MROH1: variants seen among roughly 807,000 people sequenced by gnomAD.
The protein encoded by MROH1 is maestro heat like repeat family member 1.
A neutral mutation model predicts 116.5 loss-of-function variants in MROH1; 117 were observed. The ratio of observed to expected loss-of-function variants is 1.00; its 90% CI spans 0.86 to 1.17. The LOEUF (loss-of-function observed/expected upper bound fraction) is 1.17. Ranked by LOEUF, MROH1 falls within the 50% of genes most tolerant of loss-of-function variation. The pLI is 0.00. For synonymous variants in MROH1, 921 were observed against 583.9 expected, an observed-to-expected ratio of 1.58 and a Z score of -8.32; for missense variants, 1,873 against 1,338.5, an observed-to-expected ratio of 1.40 and a Z score of -6.23.
intron 1 of MROH1, among the ~76,000 whole-genome samples, chr8:144,152,484 G>A (rs1314487370): frequency 6.6e-6 from 1 of 151,962 alleles, no homozygotes; most frequent in African/African-American, 2.4e-5. Context: ...TGCCTACTGG[G>A]TTCAAGCCAT....
At chr8:144,196,382 T>A (rs1402146885) in intron 10 of MROH1, among the ~76,000 whole-genome samples, 1 of 151,426 alleles carries the variant, frequency 6.6e-6, no homozygotes, top group Non-Finnish European at 1.5e-5. Flanking sequence ...TGAGACAGAG[T>A]CTTTCACTCT....
At position 144,220,680 on chromosome 8, in the gene MROH1, C is replaced by T. The variant is rs763522343; in HGVS notation, c.1215+7C>T. The T allele has an allele frequency of 1.9e-6, 3 of 1,566,190 alleles. No homozygotes were observed. Among genetic ancestry groups the T allele is most frequent in the South Asian group, 1.2e-5 (1 of 85,120 alleles). On this transcript the variant is annotated splice_region_variant and intron_variant, in intron 13 of 43. Coordinates refer to ENST00000326134, the MANE Select transcript of MROH1 (RefSeq NM_032450.3). The stretch of plus-strand genomic sequence containing the variant: ...CCTGGACACCAACAGCAAGGTAAAC[C>T]ACATGGGCCAGCCCAGGCTGCACCA...
chr8:144,201,783 C>G (rs1018652684), intron 12 of MROH1, among the ~76,000 whole-genome samples: 6 of 151,902 alleles, frequency 3.9e-5, no homozygotes, highest in African/African-American at 1.5e-4. Flanking sequence ...GAGGCCATGG[C>G]GGGCAGATCA....
intron 14 of MROH1, among the ~76,000 whole-genome samples, chr8:144,228,121 G>C (rs1260650030): frequency 6.6e-6 from 1 of 152,106 alleles, no homozygotes; most frequent in African/African-American, 2.4e-5. Flanking sequence ...GGTGGTCCCA[G>C]CTGCTCAAGA....
intron 14 of MROH1, among the ~76,000 whole-genome samples, chr8:144,237,164 G>A (rs200454471): frequency 1.3e-5 from 2 of 151,492 alleles, no homozygotes; most frequent in Admixed American, 6.6e-5. Flanking sequence ...CTCGGCCTCC[G>A]AAAGTGCTGG....
At position 144,260,842 on chromosome 8, in the gene MROH1, C is replaced by CA. The variant is rs1309151728; in HGVS notation, c.4536+11dup. 2 of 777,802 alleles carry CA rather than the reference C, an allele frequency of 2.6e-6. No homozygotes were observed. The highest frequency in any genetic ancestry group is 3.4e-5 in the African/African-American group (2 of 59,116). The allele number at this position is 777,802 out of a possible 1,614,324, so 48.2% of individuals were successfully genotyped here. On this transcript the variant is annotated intron_variant, in intron 40 of 43. Transcript: ENST00000326134. ...GGCCACCGTGGCCAGCGTGAGTAGC[C>CA]AGGGGGTGAGTGGGATGGGGTGGGT...
intron 29 of MROH1, among the ~76,000 whole-genome samples, chr8:144,246,656 A>G (rs1260899535): frequency 3.9e-5 from 6 of 152,124 alleles, no homozygotes; most frequent in Non-Finnish European, 7.4e-5. Context: ...GTGGCGCCCA[A>G]GTAGATACCA....
intron 4 of MROH1, among the ~76,000 whole-genome samples, chr8:144,178,498 A>C (rs1464043801): frequency 6.6e-6 from 1 of 151,458 alleles, no homozygotes; most frequent in East Asian, 1.9e-4. Flanking sequence ...TGAACCCCTG[A>C]CATCAGGTGA....
At chr8:144,213,742 T>G (rs567292235) in intron 12 of MROH1, among the ~76,000 whole-genome samples, 2 of 152,138 alleles carry the variant, frequency 1.3e-5, no homozygotes, top group South Asian at 4.2e-4. Flanking sequence ...TGAGCCAAGA[T>G]CACACACTGC....
At chr8:144,198,428 C>T (rs146312388) in intron 10 of MROH1, among the ~76,000 whole-genome samples, 144 of 152,184 alleles carry the variant, frequency 9.5e-4, no homozygotes, top group African/African-American at 3.4e-3. Flanking sequence ...GTTGTTTGTT[C>T]ATTTGTTTGA....
Position 144,255,585 on chromosome 8 carries a change from TTGTG to T in MROH1, c.3672_3675del (p.Phe1224LeufsTer31). The T allele has an allele frequency of 1.3e-6, 1 of 779,272 alleles. No individual in the cohort carries two copies. Among genetic ancestry groups the T allele is most frequent in the Non-Finnish European group, 2.4e-6 (1 of 417,762 alleles). The allele number at this position is 779,272 out of a possible 1,614,324, so 48.3% of individuals were successfully genotyped here. On this transcript the variant is annotated frameshift_variant, in exon 35 of 44. Coordinates refer to ENST00000326134, the MANE Select transcript of MROH1 (RefSeq NM_032450.3). LOFTEE classifies it high-confidence loss of function. ...GTGCTCGAGCTCTACCCCCAGCTGTTTGTGGTGCTTCTGCTGCGCGTCAGCTGCA... is the reference window on the plus strand; with the variant it reads ...GTGCTCGAGCTCTACCCCCAGCTGTTGTGCTTCTGCTGCGCGTCAGCTGCA...
intron 12 of MROH1, among the ~76,000 whole-genome samples, chr8:144,217,170 G>T (rs1263542042): frequency 6.6e-6 from 1 of 152,178 alleles, no homozygotes; most frequent in African/African-American, 2.4e-5. Context: ...GAAACAAAAT[G>T]ATTGCTTATT....
Position 144,245,158 on chromosome 8 carries a change from C to A in MROH1, c.2769C>A (p.His923Gln). Reference sequence around the variant, plus strand: ...TGTGTGACGCCCCTCTTCCTCAGCACCTGAGCCCATGGATCAAGTCCCCAA... The same window carrying A: ...TGTGTGACGCCCCTCTTCCTCAGCAACTGAGCCCATGGATCAAGTCCCCAA... ...TPQGLQIMIE[H>Q]LSPWIKSPRG... The change falls in exon 29 of 44, where the codon CAC (histidine) becomes CAA (glutamine). Residue 923 changes from histidine (H) to glutamine (Q), a missense_variant and splice_region_variant. Physicochemically the swap from His to Gln is conservative, Grantham distance 24. Coordinates refer to ENST00000326134, the MANE Select transcript of MROH1 (RefSeq NM_032450.3). 1.3e-6 allele frequency: 1 copy of A among 779,092 alleles called. No individual in the cohort carries two copies. Among genetic ancestry groups the A allele is most frequent in the East Asian group, 2.4e-5 (1 of 41,260 alleles). The allele number at this position is 779,092 out of a possible 1,614,324, so 48.3% of individuals were successfully genotyped here. A position where few individuals can be genotyped will look rare whatever the true frequency, so the allele number is the denominator to read the frequency against.
At chr8:144,213,140 TC>T in intron 12 of MROH1, 1 of 759,790 alleles carries the variant, frequency 1.3e-6, no homozygotes, top group South Asian at 1.3e-5. Context: ...GGCTGTTACA[TC>T]CCGTGCTCTC....
Position 144,240,590 on chromosome 8 carries a change from C to T in MROH1, c.1848C>T (p.Ala616=). 1 of 717,372 alleles carries T rather than the reference C, an allele frequency of 1.4e-6. No homozygotes were observed. The highest frequency in any genetic ancestry group is 2.6e-6 in the Non-Finnish European group (1 of 384,926). The allele number at this position is 717,372 out of a possible 1,614,324, so 44.4% of individuals were successfully genotyped here. Reference sequence around the variant, plus strand: ...TGCAGTTCCTGCGAGACACCCTGGCCATCATTTCTGACAACGCGTGGATCT... The same window carrying T: ...TGCAGTTCCTGCGAGACACCCTGGCTATCATTTCTGACAACGCGTGGATCT... ...KLLMFLRDTL[A]IISDNAWICQ... is the part of the protein sequence containing the mutation. Residue 616 remains alanine, a synonymous_variant, in exon 20 of 44, where the codon GCC becomes GCT. Transcript: ENST00000326134.
intron 14 of MROH1, among the ~76,000 whole-genome samples, chr8:144,229,831 C>T (rs1481562616): frequency 5.3e-5 from 8 of 151,952 alleles, no homozygotes; most frequent in African/African-American, 1.9e-4. Flanking sequence ...GTCAGGACTT[C>T]GAGACCAGCC....
chr8:144,167,955 G>T (rs1401437340), intron 3 of MROH1, among the ~76,000 whole-genome samples: 1 of 152,122 alleles, frequency 6.6e-6, no homozygotes, highest in African/African-American at 2.4e-5. Context: ...ATGTGATCAG[G>T]ACCAGAACAG....
At position 144,245,209 on chromosome 8, in the gene MROH1, G is replaced by A. The variant is rs1841684443; in HGVS notation, c.2820G>A (p.Leu940=). 5.1e-6 allele frequency: 4 copies of A among 779,164 alleles called. No homozygotes were observed. Among genetic ancestry groups the A allele is most frequent in the Non-Finnish European group, 4.8e-6 (2 of 417,782 alleles). The allele number at this position is 779,164 out of a possible 1,614,324, so 48.3% of individuals were successfully genotyped here. Residue 940 remains leucine (L), a synonymous_variant, in exon 29 of 44, where the codon CTG becomes CTA. Transcript: ENST00000326134. Reference sequence around the variant, plus strand: ...GAGGTCACGAGCGGGCGCGGGCCCTGGGCCTGAGCGCCCTCCTGCTGCGCT... The same window carrying A: ...GAGGTCACGAGCGGGCGCGGGCCCTAGGCCTGAGCGCCCTCCTGCTGCGCT... The part of the protein sequence containing the change: ...SPRGHERARA[L]GLSALLLRYF...
chr8:144,238,866 G>A lies in MROH1; in HGVS notation c.1446+3G>A. 1 of 772,986 alleles carries A rather than the reference G, an allele frequency of 1.3e-6. No individual in the cohort carries two copies. The highest frequency in any genetic ancestry group is 2.4e-6 in the Non-Finnish European group (1 of 417,930). The allele number at this position is 772,986 out of a possible 1,614,324, so 47.9% of individuals were successfully genotyped here. ...CCACCGTGGACAGGATGAGTCACGT[G>A]AGTGCACGGCACCCGTCCCTGCCTG... On this transcript the variant is annotated splice_donor_region_variant and intron_variant, in intron 15 of 43. Transcript: ENST00000326134.
Sources: allele counts gnomAD v4.1 joint callset (sites outside exome capture counted in the v4.1 genomes callset), GRCh38; gene constraint gnomAD v4.1.1; transcripts MANE v1.5; gene names NCBI Gene and HGNC (gene_info 2026-07-23, HGNC 2026-07-21).